KPNA3: variants seen among roughly 807,000 people sequenced by gnomAD.
KPNA3 encodes the protein importin subunit alpha-4.
A neutral mutation model predicts 73.8 loss-of-function variants in KPNA3; 13 were observed. The observed-to-expected ratio is 0.18, with a 90% CI of 0.11 to 0.28. KPNA3 has a LOEUF of 0.28. KPNA3 is among the 10% of genes least tolerant of loss of function. KPNA3 has a pLI of 1.00. For synonymous variants in KPNA3, 186 were observed against 206.9 expected, an observed-to-expected ratio of 0.90 and a Z score of 0.87; for missense variants, 360 against 618.1, an observed-to-expected ratio of 0.58 and a Z score of 4.43.
At chr13:49,746,813 C>A in intron 2 of KPNA3, 136 bp downstream of exon 2, 1 of 634,120 alleles carries the variant, frequency 1.6e-6, no homozygotes. Flanking sequence ...GAATAAGTAC[C>A]ATGATAAAGT....
At chr13:49,773,308 T>C (rs1160019372) in intron 1 of KPNA3, among the ~76,000 whole-genome samples, 1 of 152,208 alleles carries the variant, frequency 6.6e-6, no homozygotes, top group Non-Finnish European at 1.5e-5. Context: ...GAGGTAATCA[T>C]TTGTCAAAAC....
chr13:49,775,271 T>C (rs527537478), intron 1 of KPNA3, among the ~76,000 whole-genome samples: 8 of 150,808 alleles, frequency 5.3e-5, no homozygotes, highest in African/African-American at 1.5e-4. Context: ...GAGAGAAATA[T>C]TTAGTAAGTT....
At chr13:49,786,185 C>T (rs958753892) in intron 1 of KPNA3, among the ~76,000 whole-genome samples, 4 of 152,142 alleles carry the variant, frequency 2.6e-5, no homozygotes, top group African/African-American at 9.7e-5. Flanking sequence ...AAATTAATGT[C>T]TTAGAATAAT....
intron 2 of KPNA3, among the ~76,000 whole-genome samples, chr13:49,742,213 T>G (rs1030214425): frequency 2.0e-5 from 3 of 152,214 alleles, no homozygotes; most frequent in African/African-American, 4.8e-5. Context: ...ATTTGTGGAT[T>G]TATTTCTGGT....
At chr13:49,723,242 C>T (rs946814346) in intron 7 of KPNA3, among the ~76,000 whole-genome samples, 10 of 152,020 alleles carry the variant, frequency 6.6e-5, no homozygotes, top group African/African-American at 2.2e-4. Context: ...GTGAGGACAT[C>T]GCCACAATCT....
intron 1 of KPNA3, among the ~76,000 whole-genome samples, chr13:49,751,183 T>C (rs1354147194): frequency 6.6e-6 from 1 of 152,152 alleles, no homozygotes; most frequent in Admixed American, 6.5e-5. Context: ...ACTTGTTCCC[T>C]TCCTAACACC....
chr13:49,769,421 C>T (rs1188828428), intron 1 of KPNA3, among the ~76,000 whole-genome samples: 4 of 152,128 alleles, frequency 2.6e-5, no homozygotes, highest in Non-Finnish European at 5.9e-5. Context: ...AAATCACATA[C>T]CCTTTAGCAT....
At chr13:49,780,230 C>A (rs920577306) in intron 1 of KPNA3, among the ~76,000 whole-genome samples, 1 of 152,100 alleles carries the variant, frequency 6.6e-6, no homozygotes, top group African/African-American at 2.4e-5. Flanking sequence ...TACAACCACA[C>A]TCATTTGTTT....
At chr13:49,738,793 T>C (rs948094267) in intron 2 of KPNA3, among the ~76,000 whole-genome samples, 4 of 152,240 alleles carry the variant, frequency 2.6e-5, no homozygotes, top group African/African-American at 7.2e-5. Context: ...CAGTTTTAGT[T>C]CTTCCTTTAC....
At chr13:49,770,803 T>C (rs1263089002) in intron 1 of KPNA3, among the ~76,000 whole-genome samples, 1 of 149,474 alleles carries the variant, frequency 6.7e-6, no homozygotes, top group Admixed American at 6.7e-5. Context: ...TTTGCCACCC[T>C]TGCTGAAAAT....
intron 1 of KPNA3, among the ~76,000 whole-genome samples, chr13:49,783,876 T>C (rs1387145482): frequency 6.6e-6 from 1 of 152,228 alleles, no homozygotes; most frequent in Non-Finnish European, 1.5e-5. Flanking sequence ...CTGAGATATA[T>C]TCTAAGGTAC....
rs1471595203 is a variant in KPNA3 at position 49,722,533 on chromosome 13, C to T, written c.500G>A (p.Arg167His). Residue 167 changes from arginine (R) to histidine (H), a missense_variant, in exon 8 of 17, where the codon CGT (arginine) becomes CAT (histidine). Around this residue, in one of 3 missense-constraint regions of KPNA3, gnomAD observed 287 missense variants for 549.1 expected, o/e 0.52. Transcript: ENST00000261667. Reference protein sequence around the residue: ...NAVPLFLRLLRSPHQNVCEQA... With the variant: ...NAVPLFLRLLHSPHQNVCEQA... ...TTCACAAACATTCTGATGTGGTGAA[C>T]GAAGAAGTCTCAGAAAAAGAGGTAC... The T allele has an allele frequency of 5.6e-6, 9 of 1,609,646 alleles. No homozygotes were observed. The highest frequency in any genetic ancestry group is 4.0e-5 in the African/African-American group (3 of 74,836).
intron 1 of KPNA3, among the ~76,000 whole-genome samples, chr13:49,789,826 T>C (rs1955018049): frequency 6.6e-6 from 1 of 152,188 alleles, no homozygotes; most frequent in Non-Finnish European, 1.5e-5. Flanking sequence ...GCCCCTTTCT[T>C]CCACCAGCCT....
intron 1 of KPNA3, among the ~76,000 whole-genome samples, chr13:49,784,068 C>T (rs1269019863): frequency 6.6e-6 from 1 of 152,004 alleles, no homozygotes; most frequent in Non-Finnish European, 1.5e-5. Context: ...GCCTGGGCAA[C>T]ACAGCAAGAC....
intron 2 of KPNA3, among the ~76,000 whole-genome samples, chr13:49,733,959 C>A (rs1451190972): frequency 6.6e-6 from 1 of 152,214 alleles, no homozygotes; most frequent in African/African-American, 2.4e-5. Flanking sequence ...TGCCAGAAAA[C>A]CCACTCTGCC....
At chr13:49,715,564 A>AC (rs1954296518) in intron 10 of KPNA3, among the ~76,000 whole-genome samples, 1 of 152,238 alleles carries the variant, frequency 6.6e-6, no homozygotes, top group Non-Finnish European at 1.5e-5. Context: ...TGCATACACT[A>AC]CATAATAGAT....
chr13:49,722,195 G>C, intron 8 of KPNA3, 71 bp from the exon 9 acceptor site: 2 of 1,011,412 alleles, frequency 2.0e-6, no homozygotes, highest in Non-Finnish European at 1.4e-6. Flanking sequence ...GTATGCAATG[G>C]CTCATGTGGG....
At chr13:49,762,361 A>G (rs1459807882) in intron 1 of KPNA3, among the ~76,000 whole-genome samples, 1 of 152,136 alleles carries the variant, frequency 6.6e-6, no homozygotes, top group Non-Finnish European at 1.5e-5. Context: ...CCGTCTGGGA[A>G]GTGTACCCAA....
rs543622067 is a variant in KPNA3 at position 49,778,790 on chromosome 13, T to A, written c.69+13648A>T. 7.2e-5 allele frequency among the ~76,000 whole-genome samples: 11 copies of A among 152,286 alleles called. No homozygotes were observed. The South Asian group carries it at 2.3e-3, about 32-fold the overall frequency. ...GCTTGCCTACTTTTTAAATTTTGTG[T>A]AGAGATGAGGTCTCACTGTATTGCC... On this transcript the variant is annotated intron_variant, in intron 1 of 16. Coordinates refer to ENST00000261667, the MANE Select transcript of KPNA3 (RefSeq NM_002267.4).
Sources: allele counts gnomAD v4.1 joint callset (sites outside exome capture counted in the v4.1 genomes callset), GRCh38; gene constraint gnomAD v4.1.1; regional missense constraint gnomAD v4.1.1; transcripts MANE v1.5; gene names NCBI Gene and HGNC (gene_info 2026-07-23, HGNC 2026-07-21).